RABGAP1L: variants seen among roughly 807,000 people sequenced by gnomAD.
RABGAP1L encodes rab GTPase-activating protein 1-like.
RABGAP1L carries 63 observed loss-of-function variants against 137.7 expected under a neutral mutation model. That is an observed-to-expected ratio of 0.46 (90% confidence interval 0.37 to 0.56). The LOEUF (loss-of-function observed/expected upper bound fraction) is 0.56. Among genes scored for constraint, RABGAP1L ranks in the 20% least tolerant of loss-of-function variants. The pLI, the probability that RABGAP1L is intolerant of heterozygous loss-of-function variation, is 0.00. For synonymous variants in RABGAP1L, 431 were observed against 433.7 expected (o/e 0.99, Z 0.08); for missense variants, 1,095 against 1,244.0 (o/e 0.88, Z 1.80).
At chr1:174,279,857 A>C (rs1675341082) in intron 10 of RABGAP1L, among the ~76,000 whole-genome samples, 1 of 152,130 alleles carries the variant, frequency 6.6e-6, no homozygotes, top group African/African-American at 2.4e-5. Flanking sequence ...AGTTATGACT[A>C]TCCAATAATT....
intron 11 of RABGAP1L, among the ~76,000 whole-genome samples, chr1:174,350,872 C>G (rs1348725660): frequency 1.0e-5 from 1 of 98,578 alleles, no homozygotes; most frequent in Admixed American, 1.0e-4. Context: ...GCGGATCACT[C>G]GCGGTTAGGG....
At chr1:174,370,204 C>T (rs932931822) in intron 11 of RABGAP1L, among the ~76,000 whole-genome samples, 3 of 152,138 alleles carry the variant, frequency 2.0e-5, no homozygotes, top group Non-Finnish European at 4.4e-5. Flanking sequence ...TAGTACTTCT[C>T]CAGCCTTTTC....
intron 11 of RABGAP1L, among the ~76,000 whole-genome samples, chr1:174,328,992 A>G (rs983706538): frequency 4.0e-5 from 6 of 151,850 alleles, no homozygotes; most frequent in African/African-American, 1.2e-4. Flanking sequence ...AAGGAAAGAA[A>G]TAATAAGGAT....
rs1558052048 is a variant in RABGAP1L at position 174,231,155 on chromosome 1, AC to A, written c.345del (p.Arg116AspfsTer19). ...TTTTTGTTTCTTCAGAAATTTCTAC[AC>A]CCAGACCATCTTCTCCAGGTGGACT... ...LDPSNTEIST[P>X]RPSSPGGLPE... On this transcript the variant is annotated frameshift_variant, in exon 4 of 26. Transcript: ENST00000681986. LOFTEE classifies it high-confidence loss of function. 1 of 1,609,728 alleles carries A rather than the reference AC, an allele frequency of 6.2e-7. No homozygotes were observed. The highest frequency in any genetic ancestry group is 8.5e-7 in the Non-Finnish European group (1 of 1,177,132).
At chr1:174,644,541 AG>A (rs1338673934) in intron 14 of RABGAP1L, among the ~76,000 whole-genome samples, 2 of 152,044 alleles carry the variant, frequency 1.3e-5, no homozygotes, top group African/African-American at 4.8e-5. Flanking sequence ...AAAATACAAA[AG>A]AAAAAAAAAA....
intron 13 of RABGAP1L, among the ~76,000 whole-genome samples, chr1:174,437,650 A>G (rs148760409): frequency 0.02 from 3,069 of 152,316 alleles, 111 homozygotes; most frequent in African/African-American, 0.071. Flanking sequence ...ACTCTGCAGG[A>G]TATTATCCAG....
chr1:174,198,724 C>T (rs1667878180), intron 1 of RABGAP1L, among the ~76,000 whole-genome samples: 1 of 152,150 alleles, frequency 6.6e-6, no homozygotes, highest in African/African-American at 2.4e-5. Flanking sequence ...TATTATTGGC[C>T]GGGCACCTTG....
At chr1:174,506,981 C>T (rs1387357882) in intron 13 of RABGAP1L, among the ~76,000 whole-genome samples, 10 of 152,122 alleles carry the variant, frequency 6.6e-5, no homozygotes, top group African/African-American at 1.9e-4. Context: ...TGTGGAGGCG[C>T]GTGCCTGTGG....
chr1:174,497,161 T>C (rs1438589759), intron 13 of RABGAP1L, among the ~76,000 whole-genome samples: 3 of 152,206 alleles, frequency 2.0e-5, no homozygotes, highest in Admixed American at 6.5e-5. Flanking sequence ...AATAGAATTT[T>C]GTGTGAGTAT....
In RABGAP1L at chr1:174,241,652, G is replaced by C. The variant is rs371333673; in HGVS notation, c.712G>C (p.Glu238Gln). The C allele has an allele frequency of 5.9e-5, 95 of 1,610,390 alleles. No homozygotes were observed. The highest frequency in any genetic ancestry group is 7.4e-5 in the Non-Finnish European group (87 of 1,177,782). Residue 238 changes from glutamate to glutamine, a missense_variant, in exon 5 of 26, where the codon GAG becomes CAG. This residue lies in a region of RABGAP1L where 356 missense variants were observed against 326.3 expected (regional missense o/e 1.09). Coordinates refer to ENST00000681986, the MANE Select transcript of RABGAP1L (RefSeq NM_001366446.1). ...ACATGTTTTCTCCTGTGAAATTAAA[G>C]AGGCAGTAAGTATAATATAGTATAG... ...QIHVFSCEIK[E>Q]AVSRILYSFC...
In RABGAP1L at chr1:174,601,610, C is replaced by G. The variant is rs142741345; in HGVS notation, c.1711-35765C>G. Among the ~76,000 whole-genome samples, 877 of 152,106 alleles carry G rather than the reference C, an allele frequency of 5.8e-3. 4 individuals carry two copies. Among genetic ancestry groups the G allele is most frequent in the Non-Finnish European group, 7.9e-3 (535 of 67,996 alleles). ...TGTACACCTATGTAACAAACCTGCA[C>G]ATTGTGCGCATGTACCCTAGAACTT... On this transcript the variant is annotated intron_variant, in intron 13 of 25. Transcript: ENST00000681986.
intron 17 of RABGAP1L, among the ~76,000 whole-genome samples, chr1:174,732,608 C>G (rs1448635140): frequency 6.6e-6 from 1 of 152,096 alleles, no homozygotes; most frequent in African/African-American, 2.4e-5. Flanking sequence ...ATGAAAAATT[C>G]AACCAAGTGT....
intron 1 of RABGAP1L, among the ~76,000 whole-genome samples, chr1:174,164,726 T>G (rs557006406): frequency 6.6e-6 from 1 of 152,374 alleles, no homozygotes; most frequent in African/African-American, 2.4e-5. Flanking sequence ...TGATATATTC[T>G]GTTATTTCAT....
At chr1:174,675,570 G>A (rs976832452) in intron 14 of RABGAP1L, among the ~76,000 whole-genome samples, 2 of 151,578 alleles carry the variant, frequency 1.3e-5, no homozygotes, top group Admixed American at 1.3e-4. Context: ...TTGGCGATGC[G>A]GGCTCTTTTT....
At chr1:174,987,192 G>T (rs577140794) in intron 24 of RABGAP1L, among the ~76,000 whole-genome samples, 10 of 152,080 alleles carry the variant, frequency 6.6e-5, no homozygotes, top group African/African-American at 2.4e-4. Context: ...TTTTGAGACG[G>T]AGTCTTGCTC....
intron 13 of RABGAP1L, among the ~76,000 whole-genome samples, chr1:174,504,859 A>T (rs147550141): frequency 2.0e-5 from 3 of 152,326 alleles, no homozygotes; most frequent in Non-Finnish European, 4.4e-5. Flanking sequence ...ACAGAAGCAA[A>T]GGTAGACAAA....
intron 13 of RABGAP1L, among the ~76,000 whole-genome samples, chr1:174,522,372 T>A (rs922652344): frequency 2.0e-5 from 3 of 152,014 alleles, no homozygotes; most frequent in Non-Finnish European, 4.4e-5. Flanking sequence ...AGCTCAGGTG[T>A]TCGAGACTAG....
At chr1:174,629,801 G>T (rs1481972677) in intron 13 of RABGAP1L, among the ~76,000 whole-genome samples, 1 of 152,202 alleles carries the variant, frequency 6.6e-6, no homozygotes, top group African/African-American at 2.4e-5. Flanking sequence ...TGGGATTACA[G>T]GCGTGAGCCA....
intron 11 of RABGAP1L, among the ~76,000 whole-genome samples, chr1:174,308,443 A>C (rs555532079): frequency 1.8e-4 from 27 of 151,970 alleles, no homozygotes; most frequent in Admixed American, 1.7e-3. Flanking sequence ...TTTTATCCAA[A>C]AAATCATTGC....
Sources: allele counts gnomAD v4.1 joint callset (sites outside exome capture counted in the v4.1 genomes callset), GRCh38; gene constraint gnomAD v4.1.1; regional missense constraint gnomAD v4.1.1; transcripts MANE v1.5; gene names NCBI Gene and HGNC (gene_info 2026-07-23, HGNC 2026-07-21).